PARD6B: variants seen among roughly 807,000 people sequenced by gnomAD.
The protein encoded by PARD6B is par-6 family cell polarity regulator beta, also known as partitioning defective 6 homolog beta.
Under a neutral mutation model 10.5 loss-of-function variants are expected in PARD6B, and 4 were observed. The ratio of observed to expected loss-of-function variants is 0.38; its 90% CI spans 0.19 to 0.87. The LOEUF (loss-of-function observed/expected upper bound fraction) is 0.87. Among genes scored for constraint, PARD6B ranks in the 40% least tolerant of loss-of-function variants. PARD6B has a pLI of 0.41. For missense variants in PARD6B, 396 were observed against 470.6 expected, an observed-to-expected ratio of 0.84 and a Z score of 1.47; for synonymous variants, 169 against 170.4, an observed-to-expected ratio of 0.99 and a Z score of 0.07.
In PARD6B at chr20:50,753,538, A is replaced by G. The variant is rs1479572085; in HGVS notation, c.*3050A>G. 1 of 915,680 alleles carries G rather than the reference A, an allele frequency of 1.1e-6. No individual in the cohort carries two copies. The highest frequency in any genetic ancestry group is 1.3e-6 in the Non-Finnish European group (1 of 766,206). The allele number at this position is 915,680 out of a possible 1,614,324, so 56.7% of individuals were successfully genotyped here. A position where few individuals can be genotyped will look rare whatever the true frequency, so the allele number is the denominator to read the frequency against. ...CAAAATATATGTACTTTTGTGAGCT[A>G]TGAATTTTCTAATTAAATTTTACAT... On this transcript the variant is annotated 3_prime_UTR_variant, in exon 3 of 3. Transcript: ENST00000371610.
At chr20:50,734,721 A>G (rs2123698502) in intron 1 of PARD6B, among the ~76,000 whole-genome samples, 1 of 151,904 alleles carries the variant, frequency 6.6e-6, no homozygotes, top group South Asian at 2.1e-4. Flanking sequence ...GGGTTTTGCC[A>G]TGTTGGTCAT....
rs1569000202 is a variant in PARD6B at position 50,752,540 on chromosome 20, GT to G, written c.*2053del. Reference sequence around the variant, plus strand: ...TCCTTGCCTGATTTTATTGTACAGTGTGCACAAGCACAATGGTATGCTTGTA... The same window carrying G: ...TCCTTGCCTGATTTTATTGTACAGTGGCACAAGCACAATGGTATGCTTGTA... On this transcript the variant is annotated 3_prime_UTR_variant, in exon 3 of 3. Transcript: ENST00000371610. 1.2e-4 allele frequency: 112 copies of G among 918,990 alleles called. No individual in the cohort carries two copies. The highest frequency in any genetic ancestry group is 1.4e-4 in the Non-Finnish European group (108 of 799,548). 56.9% of individuals were successfully genotyped at this position (918,990 alleles called of 1,614,324 possible). A position where few individuals can be genotyped will look rare whatever the true frequency, so the allele number is the denominator to read the frequency against.
intron 2 of PARD6B, among the ~76,000 whole-genome samples, chr20:50,743,331 C>T (rs1349669842): frequency 3.3e-5 from 5 of 152,174 alleles, no homozygotes; most frequent in African/African-American, 9.7e-5. Context: ...CATATGTTTA[C>T]CTCTTCGATT....
At chr20:50,739,453 A>G (rs976074036) in intron 2 of PARD6B, among the ~76,000 whole-genome samples, 4 of 152,066 alleles carry the variant, frequency 2.6e-5, no homozygotes, top group African/African-American at 9.7e-5. Context: ...AATTTTTTTG[A>G]AAAGAAAGTA....
intron 2 of PARD6B, among the ~76,000 whole-genome samples, chr20:50,740,961 C>CTTTTT (rs869151515): frequency 7.4e-6 from 1 of 135,700 alleles, no homozygotes; most frequent in Admixed American, 7.4e-5. Context: ...GAGCTTGTTT[C>CTTTTT]TTTTTTTTTT....
At chr20:50,744,448 C>G (rs1045460427) in intron 2 of PARD6B, among the ~76,000 whole-genome samples, 1 of 152,168 alleles carries the variant, frequency 6.6e-6, no homozygotes, top group East Asian at 1.9e-4. Flanking sequence ...CCCTCCACGT[C>G]CTTCTCCAGC....
intron 2 of PARD6B, among the ~76,000 whole-genome samples, chr20:50,745,154 G>A (rs1483131031): frequency 1.3e-5 from 2 of 152,076 alleles, no homozygotes; most frequent in African/African-American, 4.8e-5. Context: ...ATCTGGCTGG[G>A]CGCAGTGGCT....
chr20:50,742,751 AT>A (rs1170890105), intron 2 of PARD6B, among the ~76,000 whole-genome samples: 1 of 152,180 alleles, frequency 6.6e-6, no homozygotes, highest in Non-Finnish European at 1.5e-5. Flanking sequence ...CTCTACTAAA[AT>A]TTCTTTAAAG....
rs367554248 is a variant in PARD6B, at chr20:50,745,640, C to T, written c.290-4019C>T. ...TCAGCCTCCCAAGTAGCTTGGACTA[C>T]AGGCACAAACAAACCACCATGCCCA... On this transcript the variant is annotated intron_variant, in intron 2 of 2. Coordinates refer to ENST00000371610, the MANE Select transcript of PARD6B (RefSeq NM_032521.3). 3.9e-5 allele frequency among the ~76,000 whole-genome samples: 6 copies of T among 152,230 alleles called. No homozygotes were observed. In the South Asian group the frequency reaches 1.0e-3, roughly 26 times the overall value.
At chr20:50,732,944 C>G (rs2087480095) in intron 1 of PARD6B, among the ~76,000 whole-genome samples, 1 of 151,350 alleles carries the variant, frequency 6.6e-6, no homozygotes, top group Non-Finnish European at 1.5e-5. Flanking sequence ...GATGGTAAGA[C>G]TACTAAGGAG....
intron 1 of PARD6B, among the ~76,000 whole-genome samples, chr20:50,732,093 C>T (rs576525438): frequency 5.9e-5 from 9 of 152,346 alleles, no homozygotes; most frequent in African/African-American, 1.9e-4. Context: ...TAATCTCATT[C>T]CGTAAATCTC....
rs1293877569 is a variant in PARD6B at position 50,753,724 on chromosome 20, AGACT to A, written c.*3237_*3240del. 1 of 665,358 alleles carries A rather than the reference AGACT, an allele frequency of 1.5e-6. No individual in the cohort carries two copies. Among genetic ancestry groups the A allele is most frequent in the African/African-American group, 2.0e-5 (1 of 51,076 alleles). The allele number at this position is 665,358 out of a possible 1,614,324, so 41.2% of individuals were successfully genotyped here. A position where few individuals can be genotyped will look rare whatever the true frequency, so the allele number is the denominator to read the frequency against. On this transcript the variant is annotated 3_prime_UTR_variant, in exon 3 of 3. Transcript: ENST00000371610. ...TATATTATTTTTTACAAATAAAGATAGACTTGTATAAAGGCTACTTTCTTGTTTG... is the reference window on the plus strand; with the variant it reads ...TATATTATTTTTTACAAATAAAGATATGTATAAAGGCTACTTTCTTGTTTG...
intron 2 of PARD6B, among the ~76,000 whole-genome samples, chr20:50,749,342 CAAA>C (rs11086316): frequency 1.4e-5 from 2 of 145,806 alleles, no homozygotes; most frequent in Admixed American, 6.8e-5. Context: ...GACTCCATCT[CAAA>C]AAAAAAAAAA....
Position 50,752,484 on chromosome 20 carries a change from A to G in PARD6B, c.*1996A>G. ...TTACTTTCCAATGCATCCACTTAGA[A>G]CAAGCTAAGAGTAAGGCTGCTAACT... On this transcript the variant is annotated 3_prime_UTR_variant, in exon 3 of 3. Coordinates refer to ENST00000371610, the MANE Select transcript of PARD6B (RefSeq NM_032521.3). The G allele has an allele frequency of 2.0e-6, 2 of 985,594 alleles. No individual in the cohort carries two copies. Among genetic ancestry groups the G allele is most frequent in the South Asian group, 4.7e-5 (1 of 21,284 alleles). 61.1% of individuals were successfully genotyped at this position (985,594 alleles called of 1,614,324 possible).
chr20:50,741,826 G>A (rs749266889), intron 2 of PARD6B, among the ~76,000 whole-genome samples: 4 of 152,110 alleles, frequency 2.6e-5, no homozygotes, highest in African/African-American at 4.8e-5. Context: ...GATTACAGGC[G>A]TGAGCCACCG....
chr20:50,753,069 CT>C lies in PARD6B; in HGVS notation c.*2582del. 6.3e-6 allele frequency: 3 copies of C among 474,068 alleles called. No individual in the cohort carries two copies. Among genetic ancestry groups the C allele is most frequent in the Non-Finnish European group, 4.7e-6 (2 of 425,434 alleles). The allele number at this position is 474,068 out of a possible 1,614,324, so 29.4% of individuals were successfully genotyped here. ...AAGTAAAAATATTTTTACACACTAC[CT>C]CTCTCTTTTTTTTTTTAAAGTTTTA... is the stretch of plus-strand genomic sequence containing the variant. On this transcript the variant is annotated 3_prime_UTR_variant, in exon 3 of 3. Coordinates refer to ENST00000371610, the MANE Select transcript of PARD6B (RefSeq NM_032521.3).
At chr20:50,745,637 C>A (rs2087563756) in intron 2 of PARD6B, among the ~76,000 whole-genome samples, 1 of 152,108 alleles carries the variant, frequency 6.6e-6, no homozygotes, top group Non-Finnish European at 1.5e-5. Context: ...GTAGCTTGGA[C>A]TACAGGCACA....
intron 2 of PARD6B, among the ~76,000 whole-genome samples, chr20:50,740,319 TAATTTTCTTTA>T (rs2087524385): frequency 6.6e-6 from 1 of 152,232 alleles, no homozygotes; most frequent in Non-Finnish European, 1.5e-5. Context: ...TTAGCAATTG[TAATTTTCTTTA>T]AAAAGTTAGT....
At chr20:50,732,989 A>G (rs775930539) in intron 1 of PARD6B, among the ~76,000 whole-genome samples, 55 of 152,304 alleles carry the variant, frequency 3.6e-4, no homozygotes, top group Admixed American at 6.5e-4. Flanking sequence ...AGTGAGGTAC[A>G]GTGGAGTAAG....
Sources: gnomAD v4.1 joint callset for allele counts (sites outside exome capture counted in the v4.1 genomes callset) on GRCh38, gnomAD v4.1.1 for gene constraint, MANE v1.5 for transcripts, NCBI Gene and HGNC (gene_info 2026-07-23, HGNC 2026-07-21) for gene names.